The following LAMA4 variants were observed in gnomAD, a reference collection of about 807,000 sequenced individuals.
The protein encoded by LAMA4 is laminin subunit alpha 4.
LAMA4 carries 127 observed loss-of-function variants against 207.1 expected under a neutral mutation model. The observed-to-expected ratio is 0.61, with a 90% CI of 0.53 to 0.71. The LOEUF (loss-of-function observed/expected upper bound fraction) is 0.71, where lower values mean the gene tolerates loss of function less well. Ranked by LOEUF, LAMA4 falls within the 30% of genes least tolerant of loss-of-function variation. LAMA4 has a pLI of 0.00. For synonymous variants in LAMA4, 761 were observed against 816.0 expected (o/e 0.93, Z 1.15); for missense variants, 2,093 against 2,246.5 (o/e 0.93, Z 1.38).
chr6:112,161,602 G>A (rs537275644), intron 13 of LAMA4, among the ~76,000 whole-genome samples: 1 of 152,290 alleles, frequency 6.6e-6, no homozygotes, highest in Admixed American at 6.5e-5. Flanking sequence ...CCACTTTCAA[G>A]GAATTTACAG....
At chr6:112,176,954 A>G (rs1377777051) in intron 10 of LAMA4, among the ~76,000 whole-genome samples, 1 of 152,230 alleles carries the variant, frequency 6.6e-6, no homozygotes, top group African/African-American at 2.4e-5. Context: ...GAATCAAAAC[A>G]TGGGTTATAA....
intron 2 of LAMA4, among the ~76,000 whole-genome samples, chr6:112,235,129 C>T (rs1554365618): frequency 6.6e-6 from 1 of 152,084 alleles, no homozygotes; most frequent in Non-Finnish European, 1.5e-5. Flanking sequence ...GTCCTGCCTC[C>T]CAAAAACCTT....
At chr6:112,250,698 T>C (rs1473492984) in intron 2 of LAMA4, among the ~76,000 whole-genome samples, 1 of 152,188 alleles carries the variant, frequency 6.6e-6, no homozygotes, top group East Asian at 1.9e-4. Context: ...AGTTTCTCAG[T>C]CTCTGTGTGG....
In LAMA4 at chr6:112,128,935, C is replaced by A; in HGVS notation, c.4274G>T (p.Ser1425Ile). ...KGKNLSKPKA[S>I]QNKKGGKSKD... ...ATTATCTTTTACCTTTTTATTCTGA[C>A]TTGCTTTAGGCTTGGATAAATTTTT... Residue 1425 changes from serine to isoleucine, a missense_variant, in exon 31 of 39, where the codon AGT becomes ATT. Ser to Ile is a moderately radical substitution (Grantham distance 142). Around this residue, in one of 3 missense-constraint regions of LAMA4, gnomAD observed 1,704 missense variants for 1,788.4 expected, o/e 0.95. Coordinates refer to ENST00000230538, the MANE Select transcript of LAMA4 (RefSeq NM_001105206.3). 2 of 1,613,072 alleles carry A rather than the reference C, an allele frequency of 1.2e-6. No individual in the cohort carries two copies. Among genetic ancestry groups the A allele is most frequent in the Non-Finnish European group, 1.7e-6 (2 of 1,179,306 alleles).
intron 2 of LAMA4, among the ~76,000 whole-genome samples, chr6:112,239,487 C>T (rs966795692): frequency 1.3e-5 from 2 of 152,030 alleles, no homozygotes; most frequent in Non-Finnish European, 2.9e-5. Flanking sequence ...GGAGAAATAG[C>T]AAAGAGATGC....
chr6:112,202,639 A>G (rs1783824073), intron 4 of LAMA4, among the ~76,000 whole-genome samples: 1 of 152,146 alleles, frequency 6.6e-6, no homozygotes, highest in Non-Finnish European at 1.5e-5. Flanking sequence ...AAAATCAGTC[A>G]GAAAACAATA....
chr6:112,175,665 T>C (rs1781983437), intron 10 of LAMA4, among the ~76,000 whole-genome samples, 185 bp from the exon 11 acceptor site: 2 of 152,228 alleles, frequency 1.3e-5, no homozygotes, highest in Non-Finnish European at 2.9e-5. Flanking sequence ...TCATCATCTA[T>C]TCCACGAAGG....
intron 4 of LAMA4, among the ~76,000 whole-genome samples, chr6:112,202,334 T>C (rs1407904461): frequency 6.6e-6 from 1 of 152,108 alleles, no homozygotes; most frequent in Non-Finnish European, 1.5e-5. Context: ...AAAATATTGG[T>C]TTAGTGGAAT....
In LAMA4 at chr6:112,157,444, C is replaced by T. The variant is rs144372856; in HGVS notation, c.1817+1288G>A. Among the ~76,000 whole-genome samples the T allele has an allele frequency of 2.8e-3, 420 of 152,140 alleles. 2 individuals carry two copies. Among genetic ancestry groups the T allele is most frequent in the African/African-American group, 9.6e-3 (399 of 41,504 alleles). ...ATAGCACGTAAATCATTGTGTACACCAGACAGATATGGAAGGATACTCACC... is the reference window on the plus strand; with the variant it reads ...ATAGCACGTAAATCATTGTGTACACTAGACAGATATGGAAGGATACTCACC... On this transcript the variant is annotated intron_variant, in intron 14 of 38. Coordinates refer to ENST00000230538, the MANE Select transcript of LAMA4 (RefSeq NM_001105206.3).
At chr6:112,130,179 T>C (rs1778946188) in intron 29 of LAMA4, 139 bp from the exon 30 acceptor site, 2 of 709,262 alleles carry the variant, frequency 2.8e-6, no homozygotes, top group African/African-American at 1.8e-5. Context: ...TGCCAAACTC[T>C]TCATGAGGCC....
intron 12 of LAMA4, among the ~76,000 whole-genome samples, chr6:112,168,677 A>T (rs1223093460): frequency 7.9e-5 from 12 of 151,850 alleles, no homozygotes; most frequent in African/African-American, 2.9e-4. Flanking sequence ...GACTACCTGA[A>T]CTTGCCTGTC....
chr6:112,128,933 GA>G lies in LAMA4; in HGVS notation c.4275del (p.Gln1426ArgfsTer19), dbSNP rs2114634490. On this transcript the variant is annotated frameshift_variant, in exon 31 of 39. Transcript: ENST00000230538. LOFTEE classifies it high-confidence loss of function. ...GCATTATCTTTTACCTTTTTATTCT[GA>G]CTTGCTTTAGGCTTGGATAAATTTT... is the stretch of plus-strand genomic sequence containing the variant. ...KGKNLSKPKA[S>X]QNKKGGKSKD... 1.2e-5 allele frequency: 20 copies of G among 1,612,944 alleles called. No homozygotes were observed. Among genetic ancestry groups the G allele is most frequent in the Non-Finnish European group, 1.7e-5 (20 of 1,179,224 alleles).
intron 2 of LAMA4, among the ~76,000 whole-genome samples, chr6:112,226,041 C>T (rs1785189984): frequency 6.6e-6 from 1 of 152,162 alleles, no homozygotes; most frequent in Non-Finnish European, 1.5e-5. Context: ...TGCTCTGCCT[C>T]TGAAATACTA....
chr6:112,230,555 G>C (rs1785499942), intron 2 of LAMA4, among the ~76,000 whole-genome samples: 1 of 152,180 alleles, frequency 6.6e-6, no homozygotes, highest in Admixed American at 6.5e-5. Context: ...CAATATAAAG[G>C]CATAGAAATT....
chr6:112,147,090 A>G (rs1162175565), intron 18 of LAMA4, among the ~76,000 whole-genome samples: 2 of 152,222 alleles, frequency 1.3e-5, no homozygotes, highest in African/African-American at 4.8e-5. Flanking sequence ...AGAAAAGCAC[A>G]GTAAACAATT....
chr6:112,200,298 T>A (rs555255767), intron 5 of LAMA4: 16 of 392,082 alleles, frequency 4.1e-5, no homozygotes, highest in South Asian at 3.1e-4. Flanking sequence ...TCATCACTGG[T>A]CATTAGAGAA....
intron 15 of LAMA4, chr6:112,155,184 C>T (rs1425175620): frequency 1.7e-6 from 1 of 596,614 alleles, no homozygotes; most frequent in African/African-American, 1.9e-5. Context: ...AAAGCCCTGG[C>T]CAAGGCCCCA....
chr6:112,194,759 A>T (rs917122175), intron 5 of LAMA4, among the ~76,000 whole-genome samples: 2 of 152,200 alleles, frequency 1.3e-5, no homozygotes, highest in Non-Finnish European at 2.9e-5. Flanking sequence ...CTGCCCTCAA[A>T]GAACTAACAA....
At chr6:112,177,011 C>T (rs1009804184) in intron 10 of LAMA4, among the ~76,000 whole-genome samples, 2 of 152,182 alleles carry the variant, frequency 1.3e-5, no homozygotes, top group Non-Finnish European at 2.9e-5. Flanking sequence ...AGGGTCCTGG[C>T]ATTTGCTGCC....
Sources: allele counts gnomAD v4.1 joint callset (sites outside exome capture counted in the v4.1 genomes callset), GRCh38; gene constraint gnomAD v4.1.1; regional missense constraint gnomAD v4.1.1; transcripts MANE v1.5; gene names NCBI Gene and HGNC (gene_info 2026-07-23, HGNC 2026-07-21).